Variants in MRPS22 observed in about 807,000 individuals in gnomAD.
MRPS22 encodes the protein small ribosomal subunit protein mS22.
MRPS22 carries 30 observed loss-of-function variants against 44.0 expected under a neutral mutation model. That is an observed-to-expected ratio of 0.68 (90% CI 0.51 to 0.93). The LOEUF is 0.93. Ranked by LOEUF, MRPS22 falls within the 40% of genes least tolerant of loss-of-function variation. The probability of loss-of-function intolerance (pLI) is 0.00; values close to 1 mark genes in which losing one functional copy is unlikely to be tolerated. For missense variants in MRPS22, 447 were observed against 447.8 expected, an observed-to-expected ratio of 1.00 and a Z score of 0.02; for synonymous variants, 165 against 154.4, an observed-to-expected ratio of 1.07 and a Z score of -0.51.
chr3:139,352,917 G>A, intron 6 of MRPS22, 125 bp downstream of exon 6: 1 of 1,068,358 alleles, frequency 9.4e-7, no homozygotes, highest in East Asian at 2.5e-5. Flanking sequence ...CTCAGTTTAT[G>A]GATTTGTTCT....
chr3:139,344,657 G>C, intron 1 of MRPS22: 1 of 695,110 alleles, frequency 1.4e-6, no homozygotes, highest in Non-Finnish European at 2.6e-6. Flanking sequence ...TCAAGCATAG[G>C]GGACAGTAGC....
At chr3:139,348,441 G>C (rs767103693) in intron 3 of MRPS22, 117 bp downstream of exon 3, 10 of 994,308 alleles carry the variant, frequency 1.0e-5, no homozygotes, top group Non-Finnish European at 1.4e-5. Context: ...TCCTCTGACT[G>C]GGTGAGACCC....
At chr3:139,348,050 C>T in intron 2 of MRPS22, 110 bp from the exon 3 acceptor site, 6 of 1,153,766 alleles carry the variant, frequency 5.2e-6, no homozygotes, top group Non-Finnish European at 7.5e-6. Flanking sequence ...GTGGCTACAC[C>T]TTCTTTTCTA....
At chr3:139,344,604 C>G in intron 1 of MRPS22, 1 of 646,680 alleles carries the variant, frequency 1.5e-6, no homozygotes, top group Non-Finnish European at 2.8e-6. Context: ...ATGACCAAAG[C>G]TGAGATCTGG....
chr3:139,345,192 T>C (rs1941015916), intron 1 of MRPS22, among the ~76,000 whole-genome samples: 1 of 152,154 alleles, frequency 6.6e-6, no homozygotes, highest in African/African-American at 2.4e-5. Flanking sequence ...CAGACCACCT[T>C]AACTTTTTTT....
At chr3:139,351,840 C>T (rs904019498) in intron 5 of MRPS22, 1 of 153,160 alleles carries the variant, frequency 6.5e-6, no homozygotes, top group Non-Finnish European at 1.5e-5. Context: ...GATGTAGCCA[C>T]ATCATAGGTG....
chr3:139,347,507 G>A (rs949475099), intron 2 of MRPS22, among the ~76,000 whole-genome samples: 1 of 152,180 alleles, frequency 6.6e-6, no homozygotes, highest in East Asian at 1.9e-4. Context: ...ATTAATACTC[G>A]TCTTTCTGAT....
intron 3 of MRPS22, chr3:139,349,141 T>A (rs1941100588): frequency 5.9e-6 from 2 of 337,720 alleles, no homozygotes; most frequent in Non-Finnish European, 1.2e-5. Context: ...GAGTTTCAAT[T>A]TTAATTACAG....
At chr3:139,356,796 T>G in intron 7 of MRPS22, 123 bp from the exon 8 acceptor site, 1 of 700,884 alleles carries the variant, frequency 1.4e-6, no homozygotes, top group Non-Finnish European at 2.5e-6. Context: ...TTGTGAAATC[T>G]GAAAGCCCTT....
intron 7 of MRPS22, among the ~76,000 whole-genome samples, 189 bp downstream of exon 7, chr3:139,355,979 G>T (rs897400550): frequency 6.6e-6 from 1 of 152,180 alleles, no homozygotes; most frequent in Non-Finnish European, 1.5e-5. Context: ...GGGGAGGGGG[G>T]TAAAGTGCAG....
chr3:139,355,167 T>C (rs1003550908), intron 6 of MRPS22, among the ~76,000 whole-genome samples: 1 of 152,194 alleles, frequency 6.6e-6, no homozygotes, highest in African/African-American at 2.4e-5. Context: ...CTGTGAATCC[T>C]TTCCTTGGAA....
intron 6 of MRPS22, 74 bp downstream of exon 6, chr3:139,352,866 T>C (rs1941179661): frequency 8.0e-6 from 12 of 1,494,672 alleles, no homozygotes; most frequent in Non-Finnish European, 1.1e-5. Context: ...GGCTATGGTA[T>C]TTTTCCAGTG....
Position 139,354,555 on chromosome 3 carries a change from C to T in MRPS22, c.879-1127C>T, listed in dbSNP as rs62270799. On this transcript the variant is annotated intron_variant, in intron 6 of 7. Coordinates refer to ENST00000680020, the MANE Select transcript of MRPS22 (RefSeq NM_020191.4). The stretch of plus-strand genomic sequence containing the variant: ...ATGAACATTTTTTATTTTTTTCCCC[C>T]TGAAAAGCTTTATGATACAACAGCT... Among the ~76,000 whole-genome samples, 666 of 152,144 alleles carry T rather than the reference C, an allele frequency of 4.4e-3. 1 individual carries two copies. Among genetic ancestry groups the T allele is most frequent in the Non-Finnish European group, 7.5e-3 (512 of 67,994 alleles).
At position 139,356,876 on chromosome 3, in the gene MRPS22, C is replaced by T. The variant is rs780909070; in HGVS notation, c.988-43C>T. On this transcript the variant is annotated intron_variant, in intron 7 of 7. Transcript: ENST00000680020. ...TAAAACTGAAAAACTTTATAAATAG[C>T]ATATGTCCTATTGTTTTAAAATTTT... 48 of 1,375,146 alleles carry T rather than the reference C, an allele frequency of 3.5e-5. No homozygotes were observed. In the South Asian group the frequency reaches 5.5e-4, roughly 16 times the overall value. The allele number at this position is 1,375,146 out of a possible 1,614,324, so 85.2% of individuals were successfully genotyped here.
In MRPS22 at chr3:139,357,103, A is replaced by AAAGAT; in HGVS notation, c.*91_*95dup. ...TAAATGTTAAAAAATGGCCAGATTA[A>AAAGAT]AAGATATCAATTTGTAGTTCTCCCT... On this transcript the variant is annotated 3_prime_UTR_variant, in exon 8 of 8. Transcript: ENST00000680020. 1 of 1,091,092 alleles carries AAAGAT rather than the reference A, an allele frequency of 9.2e-7. No homozygotes were observed. The allele number at this position is 1,091,092 out of a possible 1,614,324, so 67.6% of individuals were successfully genotyped here.
chr3:139,349,078 G>T, intron 3 of MRPS22: 1 of 317,070 alleles, frequency 3.2e-6, no homozygotes, highest in Non-Finnish European at 6.2e-6. Flanking sequence ...AACGATTTGA[G>T]CTATGTTCAA....
chr3:139,344,399 G>C (rs1183637784), intron 1 of MRPS22, among the ~76,000 whole-genome samples: 1 of 152,246 alleles, frequency 6.6e-6, no homozygotes, highest in African/African-American at 2.4e-5. Context: ...TACAGTGCCT[G>C]AGTTCCGCTC....
Position 139,350,210 on chromosome 3 carries a change from G to A in MRPS22, c.536G>A (p.Gly179Asp). Residue 179 changes from glycine (G) to aspartate (D), a missense_variant, in exon 4 of 8, where the codon GGC becomes GAC. Gly to Asp is a moderately conservative substitution (Grantham distance 94). Transcript: ENST00000680020. ...ERFIVVREPS[G>D]TLRKASWEER... is the part of the protein sequence containing the mutation. ...TTTATTGTCGTCAGAGAACCAAGTG[G>A]CACACTACGCAAAGCCTCTTGGGAA... 1 of 1,614,082 alleles carries A rather than the reference G, an allele frequency of 6.2e-7. No homozygotes were observed. The highest frequency in any genetic ancestry group is 8.5e-7 in the Non-Finnish European group (1 of 1,180,018).
chr3:139,347,708 A>C (rs1941067192), intron 2 of MRPS22, among the ~76,000 whole-genome samples: 1 of 152,114 alleles, frequency 6.6e-6, no homozygotes, highest in Non-Finnish European at 1.5e-5. Context: ...CAGTGTTGCA[A>C]TTTTCTAGCA....
Sources: gnomAD v4.1 joint callset for allele counts (sites outside exome capture counted in the v4.1 genomes callset) on GRCh38, gnomAD v4.1.1 for gene constraint, MANE v1.5 for transcripts, NCBI Gene and HGNC (gene_info 2026-07-23, HGNC 2026-07-21) for gene names.